Variants in DST observed in about 807,000 individuals in gnomAD.
DST encodes bullous pemphigoid antigen.
DST carries 253 observed loss-of-function variants against 875.2 expected under a neutral mutation model. That is an observed-to-expected ratio of 0.29 (90% confidence interval 0.26 to 0.32). The LOEUF (loss-of-function observed/expected upper bound fraction) is 0.32, where lower values mean the gene tolerates loss of function less well. Ranked by LOEUF, DST falls within the 10% of genes least tolerant of loss-of-function variation. The pLI, the probability that DST is intolerant of heterozygous loss-of-function variation, is 1.00. For missense variants in DST, 8,287 were observed against 9,111.6 expected, an observed-to-expected ratio of 0.91 and a Z score of 3.68; for synonymous variants, 3,124 against 3,197.1, an observed-to-expected ratio of 0.98 and a Z score of 0.77.
chr6:56,856,682 T>C (rs1344344969), intron 3 of DST, among the ~76,000 whole-genome samples: 1 of 152,216 alleles, frequency 6.6e-6, no homozygotes, highest in South Asian at 2.1e-4. Flanking sequence ...CTGGGTTGAT[T>C]CTTTTTCAAA....
At chr6:56,577,658 GATTTTA>G (rs2097893849) in intron 50 of DST, among the ~76,000 whole-genome samples, 1 of 152,092 alleles carries the variant, frequency 6.6e-6, no homozygotes, top group Non-Finnish European at 1.5e-5. Context: ...TTTTGACTCA[GATTTTA>G]ATTCATGCTC....
intron 50 of DST, among the ~76,000 whole-genome samples, chr6:56,575,356 A>G (rs559343069): frequency 6.6e-6 from 1 of 152,270 alleles, no homozygotes; most frequent in South Asian, 2.1e-4. Context: ...CTCTGATTCT[A>G]AAATAAAAGT....
At chr6:56,913,354 G>T (rs536668436) in intron 2 of DST, among the ~76,000 whole-genome samples, 2 of 152,266 alleles carry the variant, frequency 1.3e-5, no homozygotes, top group East Asian at 1.9e-4. Context: ...CTAATACTTT[G>T]TAAGTATCTG....
chr6:56,534,824 C>T (rs776027170), intron 63 of DST, among the ~76,000 whole-genome samples: 1 of 152,132 alleles, frequency 6.6e-6, no homozygotes, highest in Non-Finnish European at 1.5e-5. Flanking sequence ...TATCACCATT[C>T]ATTTATTTAC....
At chr6:56,625,470 A>G (rs562301802) in intron 34 of DST, among the ~76,000 whole-genome samples, 2 of 152,178 alleles carry the variant, frequency 1.3e-5, no homozygotes, top group South Asian at 4.1e-4. Context: ...TCAGTCAAAG[A>G]CAGACCGTAT....
chr6:56,664,657 T>C (rs1256246587), intron 10 of DST, among the ~76,000 whole-genome samples: 1 of 152,174 alleles, frequency 6.6e-6, no homozygotes, highest in African/African-American at 2.4e-5. Flanking sequence ...TCTAAGTTCA[T>C]CAAATCCAGT....
At chr6:56,655,059 G>A (rs1219851506) in intron 10 of DST, among the ~76,000 whole-genome samples, 1 of 151,688 alleles carries the variant, frequency 6.6e-6, no homozygotes, top group Non-Finnish European at 1.5e-5. Context: ...TACTCGGGAG[G>A]GTGAGGCAGG....
intron 4 of DST, among the ~76,000 whole-genome samples, chr6:56,793,105 AG>A (rs2099733200): frequency 6.9e-6 from 1 of 145,270 alleles, no homozygotes; most frequent in Non-Finnish European, 1.5e-5. Context: ...AAAAAGCAAA[AG>A]GTTAGGAGAG....
chr6:56,531,955 A>G (rs1314138285), intron 64 of DST, among the ~76,000 whole-genome samples: 1 of 152,176 alleles, frequency 6.6e-6, no homozygotes, highest in African/African-American at 2.4e-5. Flanking sequence ...ACTTTGAGAC[A>G]TCACATTTAT....
At chr6:56,817,505 G>C (rs2099767952) in intron 4 of DST, among the ~76,000 whole-genome samples, 1 of 151,376 alleles carries the variant, frequency 6.6e-6, no homozygotes, top group Non-Finnish European at 1.5e-5. Context: ...TGTTTGTTTT[G>C]TTTCAATAGC....
intron 4 of DST, among the ~76,000 whole-genome samples, chr6:56,751,746 T>C (rs955191225): frequency 6.6e-5 from 10 of 152,082 alleles, no homozygotes; most frequent in Non-Finnish European, 1.2e-4. Context: ...ACTTAGAAAC[T>C]AAAATTTTTT....
intron 2 of DST, among the ~76,000 whole-genome samples, chr6:56,904,614 T>C (rs1160784702): frequency 1.3e-5 from 2 of 152,116 alleles, no homozygotes; most frequent in Non-Finnish European, 2.9e-5. Flanking sequence ...ACAAACACTA[T>C]AAACAACGAT....
chr6:56,637,051 C>G (rs1226369863), intron 22 of DST, among the ~76,000 whole-genome samples: 2 of 152,058 alleles, frequency 1.3e-5, no homozygotes, highest in African/African-American at 2.4e-5. Context: ...CCATCGCACT[C>G]CAGCCTGGGG....
chr6:56,589,579 C>T (rs887739717), intron 49 of DST, among the ~76,000 whole-genome samples: 1 of 152,190 alleles, frequency 6.6e-6, no homozygotes, highest in Admixed American at 6.5e-5. Context: ...TTAACACCAC[C>T]CCAAAGATTA....
chr6:56,897,984 A>G (rs1792272880), intron 3 of DST, among the ~76,000 whole-genome samples: 1 of 152,150 alleles, frequency 6.6e-6, no homozygotes, highest in Non-Finnish European at 1.5e-5. Context: ...AGTTGAAGGT[A>G]AGTAGGCTCC....
rs138020661 is a variant in DST, at chr6:56,930,029, T to C, written c.216+23756A>G. Among the ~76,000 whole-genome samples, 389 of 152,352 alleles carry C rather than the reference T, an allele frequency of 2.6e-3. 3 individuals carry two copies. The East Asian group carries it at 0.04, about 16-fold the overall frequency. On this transcript the variant is annotated intron_variant, in intron 2 of 103. Coordinates refer to ENST00000680361, the MANE Select transcript of DST (RefSeq NM_001374736.1). The stretch of plus-strand genomic sequence containing the variant: ...CATTTAAGTTTCTGACAGAAGCTCC[T>C]CTCAGTTGGGTTAATAAGACCAAGC...
intron 24 of DST, 76 bp downstream of exon 24, chr6:56,635,513 C>T: frequency 1.4e-6 from 2 of 1,449,812 alleles, no homozygotes; most frequent in Middle Eastern, 1.8e-4. Flanking sequence ...CAATAAAATA[C>T]AAAGTTCTGC....
intron 4 of DST, among the ~76,000 whole-genome samples, chr6:56,744,093 G>T (rs1278752104): frequency 6.6e-6 from 1 of 150,522 alleles, no homozygotes; most frequent in East Asian, 1.9e-4. Context: ...AGTTTGCAGC[G>T]AGCCGAGATC....
At chr6:56,486,038 G>C (rs1261186800) in intron 87 of DST, among the ~76,000 whole-genome samples, 6 of 152,118 alleles carry the variant, frequency 3.9e-5, no homozygotes, top group Non-Finnish European at 8.8e-5. Context: ...CACTGGAAAA[G>C]GTATGTAACA....
Sources: allele counts gnomAD v4.1 joint callset (sites outside exome capture counted in the v4.1 genomes callset), GRCh38; gene constraint gnomAD v4.1.1; transcripts MANE v1.5; gene names NCBI Gene and HGNC (gene_info 2026-07-23, HGNC 2026-07-21).